Variants in NRXN3 observed in about 807,000 individuals in gnomAD.
NRXN3 encodes the protein neurexin III.
In NRXN3, 32 loss-of-function variants were observed where a neutral mutation model predicts 137.6. The ratio of observed to expected loss-of-function variants is 0.23; its 90% confidence interval spans 0.18 to 0.31. The LOEUF is 0.31. Ranked by LOEUF, NRXN3 falls within the 10% of genes least tolerant of loss-of-function variation. The pLI, the probability that NRXN3 is intolerant of heterozygous loss-of-function variation, is 1.00. For synonymous variants in NRXN3, 798 were observed against 784.5 expected (o/e 1.02, Z -0.29); for missense variants, 1,574 against 2,062.5 (o/e 0.76, Z 4.59).
At chr14:78,363,095 G>A (rs1015975831) in intron 4 of NRXN3, among the ~76,000 whole-genome samples, 2 of 152,148 alleles carry the variant, frequency 1.3e-5, no homozygotes, top group Non-Finnish European at 2.9e-5. Flanking sequence ...TCCTTGAGTC[G>A]GGAAGGTCAT....
At chr14:78,831,748 G>GT (rs746249429) in intron 10 of NRXN3, among the ~76,000 whole-genome samples, 8 of 151,514 alleles carry the variant, frequency 5.3e-5, no homozygotes, top group South Asian at 2.1e-4. Context: ...ACTATTCACA[G>GT]TTTTTTTTAA....
Position 79,183,787 on chromosome 14 carries a change from C to T in NRXN3, c.3262+195646C>T, listed in dbSNP as rs186601705. Among the ~76,000 whole-genome samples the T allele has an allele frequency of 2.9e-3, 440 of 152,276 alleles. 1 individual carries two copies. The highest frequency in any genetic ancestry group is 0.01 in the African/African-American group (421 of 41,568). ...TGCTTACCTGACAAGCTCTTGCATT[C>T]ATAAAAGTCGAAAGGATTCCAGCTT... On this transcript the variant is annotated intron_variant, in intron 15 of 20. Coordinates refer to ENST00000335750, the MANE Select transcript of NRXN3 (RefSeq NM_001330195.2).
chr14:79,179,798 A>G (rs1202636711), intron 15 of NRXN3, among the ~76,000 whole-genome samples: 5 of 152,152 alleles, frequency 3.3e-5, no homozygotes, highest in Admixed American at 2.6e-4. Flanking sequence ...GTGAATATAT[A>G]CTTAGTTTCT....
chr14:78,908,757 G>A (rs2099227058), intron 10 of NRXN3, among the ~76,000 whole-genome samples: 2 of 152,012 alleles, frequency 1.3e-5, no homozygotes, highest in Middle Eastern at 3.2e-3. Context: ...TAAAATTGCA[G>A]CAAGAACAAA....
At chr14:79,377,260 T>C (rs527815167) in intron 15 of NRXN3, among the ~76,000 whole-genome samples, 2 of 152,322 alleles carry the variant, frequency 1.3e-5, no homozygotes, top group Admixed American at 1.3e-4. Flanking sequence ...ACAGAAGATA[T>C]TGAGCTCAGC....
intron 14 of NRXN3, among the ~76,000 whole-genome samples, chr14:78,972,545 C>T (rs1158482913): frequency 3.9e-5 from 6 of 152,140 alleles, no homozygotes; most frequent in African/African-American, 7.2e-5. Flanking sequence ...TCAGTCTGAC[C>T]GTGCACTCCC....
intron 10 of NRXN3, among the ~76,000 whole-genome samples, chr14:78,906,790 A>T (rs112868142): frequency 3.8e-4 from 57 of 151,934 alleles, no homozygotes; most frequent in Non-Finnish European, 6.6e-4. Context: ...GCTGGGGCCT[A>T]GGTAGATTCA....
intron 16 of NRXN3, among the ~76,000 whole-genome samples, chr14:79,616,362 G>A (rs1473840625): frequency 6.6e-6 from 1 of 152,080 alleles, no homozygotes. Flanking sequence ...AGTGATGGGT[G>A]GGGAGTAGAA....
intron 15 of NRXN3, among the ~76,000 whole-genome samples, chr14:79,144,095 C>T (rs1330701236): frequency 6.6e-6 from 1 of 152,124 alleles, no homozygotes; most frequent in African/African-American, 2.4e-5. Flanking sequence ...TCATCCGTCC[C>T]GTTGACAAAA....
chr14:79,156,837 T>C (rs1374600524), intron 15 of NRXN3, among the ~76,000 whole-genome samples: 1 of 151,826 alleles, frequency 6.6e-6, no homozygotes, highest in South Asian at 2.1e-4. Flanking sequence ...TATGGCAGAA[T>C]TTCTTAACCT....
intron 15 of NRXN3, among the ~76,000 whole-genome samples, chr14:79,361,122 T>C (rs1312836669): frequency 6.6e-6 from 1 of 152,182 alleles, no homozygotes; most frequent in African/African-American, 2.4e-5. Flanking sequence ...AGAAGTAATA[T>C]GTTAAATGAA....
intron 10 of NRXN3, among the ~76,000 whole-genome samples, chr14:78,924,670 C>CA (rs1555583093): frequency 6.6e-6 from 1 of 151,298 alleles, no homozygotes; most frequent in African/African-American, 2.4e-5. Context: ...CTAGTAATTT[C>CA]AAAAAAAAGT....
At chr14:78,179,579 A>T (rs1299246626) in intron 1 of NRXN3, among the ~76,000 whole-genome samples, 1 of 152,018 alleles carries the variant, frequency 6.6e-6, no homozygotes, top group South Asian at 2.1e-4. Flanking sequence ...GTCGGAAGGG[A>T]ACTAGGGCTG....
intron 19 of NRXN3, among the ~76,000 whole-genome samples, chr14:79,759,024 C>T (rs908954484): frequency 1.1e-4 from 16 of 152,106 alleles, no homozygotes; most frequent in South Asian, 2.1e-4. Context: ...CAGAAATCAG[C>T]TCTTGGAGGA....
At chr14:79,249,810 A>T (rs114823098) in intron 15 of NRXN3, among the ~76,000 whole-genome samples, 1,941 of 152,306 alleles carry the variant, frequency 0.013, 46 homozygotes, top group African/African-American at 0.044. Flanking sequence ...TGAATCTGGG[A>T]TGAAAGTGAG....
chr14:78,401,304 A>G (rs1436197093), intron 4 of NRXN3, among the ~76,000 whole-genome samples: 5 of 152,158 alleles, frequency 3.3e-5, no homozygotes, highest in Non-Finnish European at 4.4e-5. Flanking sequence ...AGCTGGAATT[A>G]CAGGCACCCG....
At chr14:78,748,998 C>G (rs929192616) in intron 8 of NRXN3, among the ~76,000 whole-genome samples, 1 of 152,166 alleles carries the variant, frequency 6.6e-6, no homozygotes, top group Non-Finnish European at 1.5e-5. Flanking sequence ...GGCATAACGA[C>G]CCAACTCAGA....
chr14:79,708,704 T>C (rs2098791130), intron 19 of NRXN3, among the ~76,000 whole-genome samples: 1 of 152,166 alleles, frequency 6.6e-6, no homozygotes. Flanking sequence ...GAGGCTGTTA[T>C]GACAGCCTTG....
At chr14:78,364,942 C>G (rs929302433) in intron 4 of NRXN3, among the ~76,000 whole-genome samples, 1 of 152,074 alleles carries the variant, frequency 6.6e-6, no homozygotes, top group Non-Finnish European at 1.5e-5. Flanking sequence ...ATCAAGAAGA[C>G]CATTTGAAAT....
Sources: gnomAD v4.1 joint callset for allele counts (sites outside exome capture counted in the v4.1 genomes callset) on GRCh38, gnomAD v4.1.1 for gene constraint, MANE v1.5 for transcripts, NCBI Gene and HGNC (gene_info 2026-07-23, HGNC 2026-07-21) for gene names.